Variants in MAPK10 observed in about 807,000 individuals in gnomAD.
MAPK10 encodes JNK3 alpha protein kinase.
A neutral mutation model predicts 59.3 loss-of-function variants in MAPK10; 25 were observed. That is an observed-to-expected ratio of 0.42 (90% CI 0.31 to 0.59). The LOEUF is 0.59. Ranked by LOEUF, MAPK10 falls within the 20% of genes least tolerant of loss-of-function variation. The probability of loss-of-function intolerance (pLI) is 0.15; values close to 1 mark genes in which losing one functional copy is unlikely to be tolerated. For synonymous variants in MAPK10, 190 were observed against 200.5 expected, an observed-to-expected ratio of 0.95 and a Z score of 0.44; for missense variants, 351 against 568.9, an observed-to-expected ratio of 0.62 and a Z score of 3.90.
At chr4:86,061,889 A>G (rs894718571) in intron 11 of MAPK10, among the ~76,000 whole-genome samples, 1 of 152,128 alleles carries the variant, frequency 6.6e-6, no homozygotes, top group Non-Finnish European at 1.5e-5. Context: ...TATTTTGCAA[A>G]ACAGTCTTGT....
intron 1 of MAPK10, among the ~76,000 whole-genome samples, chr4:86,427,897 G>T (rs1747513472): frequency 6.6e-6 from 1 of 152,038 alleles, no homozygotes; most frequent in Non-Finnish European, 1.5e-5. Context: ...TTCTCATCTT[G>T]AAAACTACTG....
At chr4:86,562,569 C>T (rs768520869) in intron 1 of MAPK10, among the ~76,000 whole-genome samples, 1 of 151,918 alleles carries the variant, frequency 6.6e-6, no homozygotes, top group Non-Finnish European at 1.5e-5. Context: ...GTAGCCGATG[C>T]TTGTAGTCCC....
At chr4:86,092,587 A>C (rs1330508199) in intron 9 of MAPK10, among the ~76,000 whole-genome samples, 2 of 150,284 alleles carry the variant, frequency 1.3e-5, no homozygotes, top group African/African-American at 2.5e-5. Context: ...ATACATAAAC[A>C]TACTAATACA....
intron 1 of MAPK10, among the ~76,000 whole-genome samples, chr4:86,417,300 C>A (rs75166160): frequency 0.19 from 28,297 of 151,976 alleles, 2,722 homozygotes; most frequent in South Asian, 0.28. Context: ...TATTTGAATA[C>A]CTAAGTATGG....
At chr4:86,589,482 G>T (rs1469069955) in intron 1 of MAPK10, among the ~76,000 whole-genome samples, 1 of 152,068 alleles carries the variant, frequency 6.6e-6, no homozygotes, top group South Asian at 2.1e-4. Flanking sequence ...AGGAGTTGGA[G>T]ACCAGCCTGG....
intron 1 of MAPK10, among the ~76,000 whole-genome samples, chr4:86,385,440 C>CT (rs1741335913): frequency 6.6e-6 from 1 of 152,142 alleles, no homozygotes; most frequent in Admixed American, 6.5e-5. Flanking sequence ...CTGTGGTTGA[C>CT]TTTAACAGTG....
intron 4 of MAPK10, among the ~76,000 whole-genome samples, chr4:86,155,236 T>G (rs1234662798): frequency 6.6e-6 from 1 of 152,026 alleles, no homozygotes; most frequent in Non-Finnish European, 1.5e-5. Context: ...CTGCTGAACA[T>G]GCCTGGCAAT....
intron 2 of MAPK10, among the ~76,000 whole-genome samples, chr4:86,281,506 AAAAATAAAATAAAATAAAAT>A (rs141438558): frequency 2.0e-5 from 3 of 148,630 alleles, no homozygotes; most frequent in Admixed American, 6.7e-5. Flanking sequence ...CCTCAAAATA[AAAAATAAAATAAAATAAAAT>A]AAAATAAAAT....
In MAPK10 at chr4:86,412,419, C is replaced by T. The variant is rs372404497; in HGVS notation, c.-122+40611G>A. Among the ~76,000 whole-genome samples the T allele has an allele frequency of 1.2e-4, 19 of 152,082 alleles. No homozygotes were observed. The South Asian group carries it at 1.7e-3, about 13-fold the overall frequency. ...CAAGGAACATCTTTGTGGTGTTCTC[C>T]GTATTTCCTGAATTTGAATGTTGGC... is the stretch of plus-strand genomic sequence containing the variant. On this transcript the variant is annotated intron_variant, in intron 1 of 13. Transcript: ENST00000361569.
At chr4:86,171,713 C>T (rs910720645) in intron 3 of MAPK10, among the ~76,000 whole-genome samples, 22 of 152,138 alleles carry the variant, frequency 1.4e-4, no homozygotes, top group African/African-American at 4.6e-4. Context: ...CAACAAAAGA[C>T]AAAATTGACA....
chr4:86,573,156 C>T (rs1761596275), intron 1 of MAPK10, among the ~76,000 whole-genome samples: 2 of 151,978 alleles, frequency 1.3e-5, no homozygotes, highest in Admixed American at 6.6e-5. Flanking sequence ...CTCTAATTTT[C>T]CAATTTTTTA....
At chr4:86,258,500 C>A (rs2093848754) in intron 2 of MAPK10, among the ~76,000 whole-genome samples, 1 of 152,134 alleles carries the variant, frequency 6.6e-6, no homozygotes, top group Non-Finnish European at 1.5e-5. Context: ...CCTCTGGATA[C>A]CACATTGTTT....
intron 11 of MAPK10, among the ~76,000 whole-genome samples, chr4:86,060,982 T>C (rs900636595): frequency 1.3e-5 from 2 of 152,060 alleles, no homozygotes; most frequent in Non-Finnish European, 2.9e-5. Context: ...ATAATAGTAA[T>C]AGTAATTATA....
chr4:86,197,434 G>T (rs2081586715), intron 2 of MAPK10, among the ~76,000 whole-genome samples: 1 of 152,116 alleles, frequency 6.6e-6, no homozygotes, highest in Non-Finnish European at 1.5e-5. Flanking sequence ...TGCTCAAATT[G>T]CTTATCAGCT....
chr4:86,120,221 C>T (rs1473099850), intron 4 of MAPK10: 3 of 152,166 alleles, frequency 2.0e-5, no homozygotes, highest in African/African-American at 7.2e-5. Flanking sequence ...ACCAACTAAC[C>T]TAGATGACCA....
intron 2 of MAPK10, among the ~76,000 whole-genome samples, chr4:86,201,019 C>G (rs1297641755): frequency 6.6e-6 from 1 of 151,770 alleles, no homozygotes; most frequent in African/African-American, 2.4e-5. Context: ...CCCTTCCCAG[C>G]CTTTGGTAAT....
chr4:86,188,716 T>C (rs2078896575), intron 3 of MAPK10, among the ~76,000 whole-genome samples: 3 of 152,220 alleles, frequency 2.0e-5, no homozygotes, highest in African/African-American at 7.2e-5. Flanking sequence ...TGGTAATAAT[T>C]TCTTTTGCTG....
chr4:86,260,471 G>A (rs1229013263), intron 2 of MAPK10, among the ~76,000 whole-genome samples: 1 of 152,068 alleles, frequency 6.6e-6, no homozygotes, highest in Non-Finnish European at 1.5e-5. Flanking sequence ...AGTGGATTCT[G>A]TGAATTGAAT....
At chr4:86,320,624 G>A (rs1038079164) in intron 2 of MAPK10, among the ~76,000 whole-genome samples, 2 of 152,182 alleles carry the variant, frequency 1.3e-5, no homozygotes, top group African/African-American at 4.8e-5. Flanking sequence ...TCACTGTGAT[G>A]GTAGTTTCTT....
Sources: gnomAD v4.1 joint callset for allele counts (sites outside exome capture counted in the v4.1 genomes callset) on GRCh38, gnomAD v4.1.1 for gene constraint, MANE v1.5 for transcripts, NCBI Gene and HGNC (gene_info 2026-07-23, HGNC 2026-07-21) for gene names.